The following OR1D2 variants were observed in gnomAD, a reference collection of about 807,000 sequenced individuals.
The protein encoded by OR1D2 is olfactory receptor family 1 subfamily D member 2.
For missense variants in OR1D2, 357 were observed against 376.1 expected (o/e 0.95, Z 0.42); for synonymous variants, 157 against 153.9 (o/e 1.02, Z -0.15).
chr17:3,094,536 C>A (rs1008189441), intron 1 of OR1D2, among the ~76,000 whole-genome samples: 3 of 152,056 alleles, frequency 2.0e-5, no homozygotes, highest in South Asian at 2.1e-4. Context: ...CAATAACCAG[C>A]CCCATTAGGG....
intron 1 of OR1D2, among the ~76,000 whole-genome samples, chr17:3,094,013 G>A (rs964654745): frequency 2.6e-5 from 4 of 152,074 alleles, no homozygotes; most frequent in Non-Finnish European, 5.9e-5. Flanking sequence ...AGAATAACAG[G>A]GTGATGCTTG....
chr17:3,097,794 G>A (rs1355310751), intron 1 of OR1D2, among the ~76,000 whole-genome samples: 3 of 152,192 alleles, frequency 2.0e-5, no homozygotes, highest in Non-Finnish European at 2.9e-5. Flanking sequence ...TGGGGGAAGG[G>A]CGGCAGCCAT....
chr17:3,092,307 T>G lies in OR1D2; in HGVS notation c.690A>C (p.Ser230=). 1 of 1,614,156 alleles carries G rather than the reference T, an allele frequency of 6.2e-7. No homozygotes were observed. The highest frequency in any genetic ancestry group is 1.6e-4 in the Middle Eastern group (1 of 6,062). The change falls in exon 2 of 2, where the codon TCA becomes TCC. Residue 230 remains serine (S), a synonymous_variant. Transcript: ENST00000641833. ...LIIRAILRIP[S]VSKKYKAFST... The stretch of plus-strand genomic sequence containing the variant: ...AGAAGGCTTTGTATTTCTTAGAGAC[T>G]GAGGGTATTCTGAGGATGGCTCTGA...
At chr17:3,096,502 C>T (rs932070324) in intron 1 of OR1D2, among the ~76,000 whole-genome samples, 2 of 152,208 alleles carry the variant, frequency 1.3e-5, no homozygotes, top group African/African-American at 4.8e-5. Flanking sequence ...TGGCCCATGC[C>T]TGTTAATCTC....
rs1365570189 is a variant in OR1D2 at position 3,089,808 on chromosome 17, C to T, written c.*2250G>A. The T allele has an allele frequency of 6.6e-6, 1 of 152,408 alleles. No homozygotes were observed. Among genetic ancestry groups the T allele is most frequent in the East Asian group, 1.9e-4 (1 of 5,198 alleles). 9.4% of individuals were successfully genotyped at this position (152,408 alleles called of 1,614,324 possible). On this transcript the variant is annotated 3_prime_UTR_variant, in exon 2 of 2. Coordinates refer to ENST00000641833, the MANE Select transcript of OR1D2 (RefSeq NM_002548.3). ...GCCTCTGCTGTGTCATACAGGTTGC[C>T]AGGGAAGTGGTGGAAAGCCAGCAGT...
In OR1D2 at chr17:3,092,475, G is replaced by C; in HGVS notation, c.522C>G (p.Ile174Met). 6.2e-7 allele frequency: 1 copy of C among 1,614,182 alleles called. No homozygotes were observed. Among genetic ancestry groups the C allele is most frequent in the Non-Finnish European group, 8.5e-7 (1 of 1,180,042 alleles). ...TRVTFCGSRK[I>M]HYIFCEMYVL... ...CATACATCTCACAGAAGATGTAGTGGATTTTTCGTGACCCACAGAAGGTCA... is the reference window on the plus strand; with the variant it reads ...CATACATCTCACAGAAGATGTAGTGCATTTTTCGTGACCCACAGAAGGTCA... Residue 174 changes from isoleucine (I) to methionine (M), a missense_variant, in exon 2 of 2, where the codon ATC becomes ATG. Coordinates refer to ENST00000641833, the MANE Select transcript of OR1D2 (RefSeq NM_002548.3).
chr17:3,099,349 A>C (rs2047864220), intron 1 of OR1D2, among the ~76,000 whole-genome samples: 1 of 152,200 alleles, frequency 6.6e-6, no homozygotes, highest in Non-Finnish European at 1.5e-5. Flanking sequence ...CCTACAAGAT[A>C]GAAGAGAGTG....
intron 1 of OR1D2, among the ~76,000 whole-genome samples, chr17:3,098,521 C>T (rs778111412): frequency 6.6e-6 from 1 of 152,206 alleles, no homozygotes; most frequent in Non-Finnish European, 1.5e-5. Context: ...CAAGGGGCGG[C>T]AGCCTCAAAG....
intron 1 of OR1D2, among the ~76,000 whole-genome samples, chr17:3,103,058 C>G (rs1028974613): frequency 2.6e-5 from 4 of 152,106 alleles, no homozygotes; most frequent in African/African-American, 9.7e-5. Flanking sequence ...CACGGTATTA[C>G]AGGCTTCCCA....
At chr17:3,096,381 T>C (rs1286797931) in intron 1 of OR1D2, among the ~76,000 whole-genome samples, 1 of 152,212 alleles carries the variant, frequency 6.6e-6, no homozygotes, top group Non-Finnish European at 1.5e-5. Flanking sequence ...AGTAAGAGGA[T>C]GGGAAAAGAT....
Position 3,092,862 on chromosome 17 carries a change from G to T in OR1D2, c.135C>A (p.Ile45=), listed in dbSNP as rs147499202. 9.9e-6 allele frequency: 16 copies of T among 1,614,082 alleles called. No individual in the cohort carries two copies. The African/African-American group carries it at 1.9e-4, about 19-fold the overall frequency. ...YLVTVVGNVL[I]ILAISSDSRL... Reference sequence around the variant, plus strand: ...GGGAATCAGAGCTGATGGCCAGGATGATGAGCACATTTCCCACCACCGTGA... The same window carrying T: ...GGGAATCAGAGCTGATGGCCAGGATTATGAGCACATTTCCCACCACCGTGA... The change falls in exon 2 of 2, where the codon ATC becomes ATA. Residue 45 remains isoleucine, a synonymous_variant. Coordinates refer to ENST00000641833, the MANE Select transcript of OR1D2 (RefSeq NM_002548.3).
At chr17:3,103,138 G>C (rs2047881910) in intron 1 of OR1D2, among the ~76,000 whole-genome samples, 1 of 152,246 alleles carries the variant, frequency 6.6e-6, no homozygotes, top group Non-Finnish European at 1.5e-5. Context: ...CTGCTGATGG[G>C]AGGGAGGGTA....
rs1209098896 is a variant in OR1D2 at position 3,091,481 on chromosome 17, T to C, written c.*577A>G. 2 of 152,604 alleles carry C rather than the reference T, an allele frequency of 1.3e-5. No individual in the cohort carries two copies. The highest frequency in any genetic ancestry group is 4.8e-5 in the African/African-American group (2 of 41,454). The allele number at this position is 152,604 out of a possible 1,614,324, so 9.5% of individuals were successfully genotyped here. On this transcript the variant is annotated 3_prime_UTR_variant, in exon 2 of 2. Coordinates refer to ENST00000641833, the MANE Select transcript of OR1D2 (RefSeq NM_002548.3). ...TCCATTTATGTTTAATGTAAATTTATGTACTTCCCCGAGTAGACTGTGACC... is the reference window on the plus strand; with the variant it reads ...TCCATTTATGTTTAATGTAAATTTACGTACTTCCCCGAGTAGACTGTGACC...
rs2047823584 is a variant in OR1D2, at chr17:3,092,890, A to G, written c.107T>C (p.Leu36Pro). The G allele has an allele frequency of 6.2e-7, 1 of 1,613,882 alleles. No individual in the cohort carries two copies. The highest frequency in any genetic ancestry group is 1.1e-5 in the South Asian group (1 of 91,060). ...ILFWMFLSMY[L>P]VTVVGNVLII... ...GAGCACATTTCCCACCACCGTGACC[A>G]GGTACATGGACAGGAACATCCAAAA... Residue 36 changes from leucine to proline, a missense_variant, in exon 2 of 2, where the codon CTG becomes CCG. Physicochemically the swap from Leu to Pro is moderately conservative, Grantham distance 98. Coordinates refer to ENST00000641833, the MANE Select transcript of OR1D2 (RefSeq NM_002548.3).
At position 3,088,902 on chromosome 17, in the gene OR1D2, T is replaced by TA. The variant is rs1567946691; in HGVS notation, c.*3155dup. 6.6e-6 allele frequency: 1 copy of TA among 151,802 alleles called. No individual in the cohort carries two copies. Among genetic ancestry groups the TA allele is most frequent in the Admixed American group, 6.6e-5 (1 of 15,262 alleles). 9.4% of individuals were successfully genotyped at this position (151,802 alleles called of 1,614,324 possible). On this transcript the variant is annotated 3_prime_UTR_variant, in exon 2 of 2. Coordinates refer to ENST00000641833, the MANE Select transcript of OR1D2 (RefSeq NM_002548.3). Reference sequence around the variant, plus strand: ...TCTCCACCCTTACTTTTTTTTTTTTTAATTTAAGTTGAACTTCACCTTTCT... The same window carrying TA: ...TCTCCACCCTTACTTTTTTTTTTTTTAAATTTAAGTTGAACTTCACCTTTCT...
intron 1 of OR1D2, among the ~76,000 whole-genome samples, chr17:3,100,961 G>A (rs909605182): frequency 1.3e-5 from 2 of 152,024 alleles, no homozygotes; most frequent in African/African-American, 4.8e-5. Flanking sequence ...ACCCTCCCAC[G>A]GCTAAACCAG....
rs191820354 is a variant in OR1D2 at position 3,099,041 on chromosome 17, A to G, written c.-51+5058T>C. On this transcript the variant is annotated intron_variant, in intron 1 of 1. Transcript: ENST00000641833. ...AATATGGACTACGTAAAAAGACTGA[A>G]CCTACGACTGATTGGAGTACCTGAA... Among the ~76,000 whole-genome samples the G allele has an allele frequency of 3.7e-3, 558 of 152,274 alleles. 5 individuals are homozygous for G. The highest frequency in any genetic ancestry group is 0.012 in the African/African-American group (519 of 41,552).
rs546820724 is a variant in OR1D2 at position 3,092,693 on chromosome 17, A to G, written c.304T>C (p.Tyr102His). 38 of 1,614,020 alleles carry G rather than the reference A, an allele frequency of 2.4e-5. No homozygotes were observed. The Admixed American group carries it at 6.3e-4, about 27-fold the overall frequency. The change falls in exon 2 of 2, where the codon TAC becomes CAC. Residue 102 changes from tyrosine (Y) to histidine (H), a missense_variant. Transcript: ENST00000641833. Reference protein sequence around the residue: ...ISYAGCLTQLYFLVSLVALDN... With the variant: ...ISYAGCLTQLHFLVSLVALDN... ...AGGGCCACCAAGGAGACCAGGAAGT[A>G]GAGCTGTGTCAGACACCCTGCATAG... is the stretch of plus-strand genomic sequence containing the variant.
intron 1 of OR1D2, among the ~76,000 whole-genome samples, chr17:3,096,464 G>T (rs922003523): frequency 6.6e-6 from 1 of 152,178 alleles, no homozygotes; most frequent in Non-Finnish European, 1.5e-5. Flanking sequence ...TGGCTTTAAA[G>T]ATTAAAATAG....
Sources: gnomAD v4.1 joint callset for allele counts (sites outside exome capture counted in the v4.1 genomes callset) on GRCh38, gnomAD v4.1.1 for gene constraint, MANE v1.5 for transcripts, NCBI Gene and HGNC (gene_info 2026-07-23, HGNC 2026-07-21) for gene names.